The following PRKCE variants were observed in gnomAD, a reference collection of about 807,000 sequenced individuals.
PRKCE encodes the protein protein kinase C epsilon, also known as protein kinase C epsilon type.
A neutral mutation model predicts 85.4 loss-of-function variants in PRKCE; 16 were observed. That is an observed-to-expected ratio of 0.19 (90% confidence interval 0.13 to 0.28). PRKCE has a LOEUF of 0.28. PRKCE is among the 10% of genes least tolerant of loss of function. PRKCE has a pLI of 1.00. For synonymous variants in PRKCE, 388 were observed against 371.5 expected (o/e 1.04, Z -0.51); for missense variants, 573 against 975.2 (o/e 0.59, Z 5.49).
intron 10 of PRKCE, among the ~76,000 whole-genome samples, chr2:46,067,665 C>G (rs556005561): frequency 4.3e-4 from 65 of 152,320 alleles, no homozygotes; most frequent in African/African-American, 1.6e-3. Flanking sequence ...CTAGTAGATG[C>G]TCACAATGTA....
intron 2 of PRKCE, among the ~76,000 whole-genome samples, chr2:45,952,079 C>T (rs1223729116): frequency 2.6e-5 from 4 of 152,292 alleles, no homozygotes; most frequent in Admixed American, 1.3e-4. Flanking sequence ...GTGATCTACC[C>T]GCCTCGGCCT....
chr2:45,652,038 G>T lies in PRKCE; in HGVS notation c.-63G>T, dbSNP rs1675150121. On this transcript the variant is annotated 5_prime_UTR_variant, in exon 1 of 15. Transcript: ENST00000306156. The surrounding 1 kb of genome is among the most constrained non-coding windows in gnomAD (Gnocchi z 7.7). Reference sequence around the variant, plus strand: ...CTGTGGCTCGGAGTGCCGGGCCGTCGGTTCTTCATTCCTGCCCTCGGGGCA... The same window carrying T: ...CTGTGGCTCGGAGTGCCGGGCCGTCTGTTCTTCATTCCTGCCCTCGGGGCA... 1.4e-5 allele frequency: 19 copies of T among 1,330,628 alleles called. No homozygotes were observed. Among genetic ancestry groups the T allele is most frequent in the Non-Finnish European group, 1.9e-5 (18 of 967,244 alleles). The allele number at this position is 1,330,628 out of a possible 1,614,324, so 82.4% of individuals were successfully genotyped here.
chr2:45,921,365 G>C (rs1048211979), intron 2 of PRKCE, among the ~76,000 whole-genome samples: 35 of 152,228 alleles, frequency 2.3e-4, no homozygotes, highest in African/African-American at 8.4e-4. Context: ...CACATACGTA[G>C]ATATAGTTAG....
At position 45,665,945 on chromosome 2, in the gene PRKCE, T is replaced by C. The variant is rs76378455; in HGVS notation, c.348+13497T>C. On this transcript the variant is annotated intron_variant, in intron 1 of 14. Transcript: ENST00000306156. ...GCCTCTTGTTAAAATAATTCCAGCC[T>C]TGGTGTAAGTAGGTAACATATTTTT... 3.3e-5 allele frequency among the ~76,000 whole-genome samples: 5 copies of C among 152,104 alleles called. No homozygotes were observed. In the East Asian group the frequency reaches 9.7e-4, roughly 29 times the overall value.
intron 1 of PRKCE, among the ~76,000 whole-genome samples, chr2:45,665,509 CTG>C (rs1473920107): frequency 6.6e-6 from 1 of 152,194 alleles, no homozygotes; most frequent in Non-Finnish European, 1.5e-5. Flanking sequence ...TGATGAGCAA[CTG>C]TGAGCTTCTG....
At chr2:46,173,088 G>A (rs751177337) in intron 14 of PRKCE, among the ~76,000 whole-genome samples, 23 of 152,224 alleles carry the variant, frequency 1.5e-4, no homozygotes, top group Non-Finnish European at 2.4e-4. Context: ...AGGGGTCTGC[G>A]AACTGCAGCC....
intron 1 of PRKCE, among the ~76,000 whole-genome samples, chr2:45,662,030 C>G (rs1283884000): frequency 6.6e-6 from 1 of 152,294 alleles, no homozygotes; most frequent in Middle Eastern, 3.4e-3. Context: ...CTCTACCCCC[C>G]TTTAGCTCTC....
intron 10 of PRKCE, among the ~76,000 whole-genome samples, chr2:46,024,160 A>G (rs1204554008): frequency 6.6e-6 from 1 of 152,160 alleles, no homozygotes; most frequent in Non-Finnish European, 1.5e-5. Flanking sequence ...CAATTGGTTG[A>G]TTTATACTGG....
chr2:45,884,994 TATATA>T lies in PRKCE; in HGVS notation c.412+41932_412+41936del, dbSNP rs1437695831. On this transcript the variant is annotated intron_variant, in intron 2 of 14. Transcript: ENST00000306156. ...ATATATATATATATATATATATATA[TATATA>T]TATTTGTTGTTGTTGTTGTTGTTTT... Among the ~76,000 whole-genome samples the T allele has an allele frequency of 4.8e-3, 352 of 72,888 alleles. 22 individuals carry two copies. The highest frequency in any genetic ancestry group is 0.011 in the Admixed American group (63 of 5,912). 47.8% of individuals were successfully genotyped at this position (72,888 alleles called of 152,430 possible).
At chr2:45,842,203 G>A (rs1691407050) in intron 1 of PRKCE, among the ~76,000 whole-genome samples, 1 of 152,210 alleles carries the variant, frequency 6.6e-6, no homozygotes, top group Admixed American at 6.5e-5. Context: ...TATATTATAA[G>A]TAGTTAGCTG....
intron 2 of PRKCE, among the ~76,000 whole-genome samples, chr2:45,846,548 C>A (rs1691804227): frequency 6.6e-6 from 1 of 152,186 alleles, no homozygotes; most frequent in Non-Finnish European, 1.5e-5. Flanking sequence ...GCAACACGTA[C>A]CTCACAAATG....
chr2:45,825,323 G>A (rs907106791), intron 1 of PRKCE, among the ~76,000 whole-genome samples: 26 of 152,332 alleles, frequency 1.7e-4, no homozygotes, highest in Admixed American at 8.5e-4. Flanking sequence ...ACTTGGGGGG[G>A]CCCTGCTGCA....
chr2:45,780,875 A>G (rs1005017219), intron 1 of PRKCE, among the ~76,000 whole-genome samples: 3 of 152,194 alleles, frequency 2.0e-5, no homozygotes, highest in Non-Finnish European at 4.4e-5. Flanking sequence ...TCCAATTCTC[A>G]GCTAGCTCAT....
intron 1 of PRKCE, among the ~76,000 whole-genome samples, chr2:45,664,015 G>T (rs1204444737): frequency 6.6e-6 from 1 of 152,184 alleles, no homozygotes; most frequent in Non-Finnish European, 1.5e-5. Context: ...CATATATTGA[G>T]TACTTTCTAT....
intron 10 of PRKCE, among the ~76,000 whole-genome samples, chr2:46,083,744 T>TG (rs202106917): frequency 2.6e-5 from 4 of 152,286 alleles, no homozygotes; most frequent in Middle Eastern, 6.8e-3. Context: ...ATATCTGAGT[T>TG]GGGGGGCTCA....
chr2:46,019,599 T>C (rs1294587074), intron 10 of PRKCE, among the ~76,000 whole-genome samples: 6 of 152,248 alleles, frequency 3.9e-5, no homozygotes, highest in Admixed American at 1.3e-4. Flanking sequence ...CTTAGAAGTC[T>C]GATGTTTTTG....
intron 2 of PRKCE, among the ~76,000 whole-genome samples, chr2:45,925,058 A>G (rs1698510750): frequency 6.6e-6 from 1 of 152,150 alleles, no homozygotes; most frequent in Non-Finnish European, 1.5e-5. Flanking sequence ...GGTGTTTTAA[A>G]GGTATCCACT....
chr2:45,677,867 G>C, intron 1 of PRKCE: 2 of 985,472 alleles, frequency 2.0e-6, no homozygotes, highest in Middle Eastern at 5.2e-4. Flanking sequence ...TGAAAAAGAC[G>C]ATGGAAAGGC....
At chr2:46,047,587 C>A (rs1353570907) in intron 10 of PRKCE, among the ~76,000 whole-genome samples, 11 of 152,148 alleles carry the variant, frequency 7.2e-5, no homozygotes, top group Admixed American at 2.6e-4. Flanking sequence ...CTATTAGTTA[C>A]ATGTTAGGTA....
Sources: gnomAD v4.1 joint callset for allele counts (sites outside exome capture counted in the v4.1 genomes callset) on GRCh38, gnomAD v4.1.1 for gene constraint, Gnocchi (gnomAD v3.1) non-coding constraint, MANE v1.5 for transcripts, NCBI Gene and HGNC (gene_info 2026-07-23, HGNC 2026-07-21) for gene names.